Variants in CSMD2 observed in about 807,000 individuals in gnomAD.
CSMD2 encodes the protein CUB and sushi domain-containing protein 2.
In CSMD2, 130 loss-of-function variants were observed where a neutral mutation model predicts 398.5. That is an observed-to-expected ratio of 0.33 (90% CI 0.28 to 0.38). The LOEUF (loss-of-function observed/expected upper bound fraction) is 0.38. CSMD2 is among the 10% of genes least tolerant of loss of function. CSMD2 has a pLI of 1.00. For missense variants in CSMD2, 3,829 were observed against 4,764.9 expected (o/e 0.80, Z 5.78); for synonymous variants, 1,828 against 1,908.5 (o/e 0.96, Z 1.10).
At chr1:33,536,137 T>C (rs116507862) in intron 62 of CSMD2, among the ~76,000 whole-genome samples, 3 of 152,208 alleles carry the variant, frequency 2.0e-5, no homozygotes, top group Non-Finnish European at 4.4e-5. Context: ...CAGCCTGTCA[T>C]GTCCAGGTGA....
intron 13 of CSMD2, among the ~76,000 whole-genome samples, chr1:33,755,861 TCTCA>T (rs1648937484): frequency 2.7e-5 from 4 of 150,624 alleles, no homozygotes; most frequent in African/African-American, 9.9e-5. Context: ...GGGAGGGGGG[TCTCA>T]CTATGTTGCT....
chr1:33,587,405 C>T (rs557471743), intron 44 of CSMD2, among the ~76,000 whole-genome samples: 2 of 152,266 alleles, frequency 1.3e-5, no homozygotes, highest in South Asian at 2.1e-4. Flanking sequence ...GACACCATCA[C>T]CAGCACTGAA....
At chr1:33,530,913 G>A (rs1655173065) in intron 64 of CSMD2, among the ~76,000 whole-genome samples, 1 of 152,160 alleles carries the variant, frequency 6.6e-6, no homozygotes, top group African/African-American at 2.4e-5. Flanking sequence ...AATAGAAGTA[G>A]AGAGTAGAAT....
intron 3 of CSMD2, among the ~76,000 whole-genome samples, chr1:33,953,391 C>T (rs1354412311): frequency 6.6e-6 from 1 of 152,106 alleles, no homozygotes; most frequent in African/African-American, 2.4e-5. Context: ...CTCTCACATG[C>T]CCCTGAATCC....
chr1:33,651,498 TATAAG>T (rs1324949315), intron 28 of CSMD2, among the ~76,000 whole-genome samples: 3 of 152,072 alleles, frequency 2.0e-5, no homozygotes, highest in Non-Finnish European at 4.4e-5. Context: ...GTCTTCCACT[TATAAG>T]AGGAGAGTGG....
At chr1:34,013,960 C>T (rs1237792513) in intron 3 of CSMD2, among the ~76,000 whole-genome samples, 3 of 152,176 alleles carry the variant, frequency 2.0e-5, no homozygotes, top group African/African-American at 7.2e-5. Flanking sequence ...CTGATCTCCG[C>T]ACCCCAAACC....
chr1:33,690,972 C>T (rs1034941279), intron 25 of CSMD2, among the ~76,000 whole-genome samples: 2 of 152,138 alleles, frequency 1.3e-5, no homozygotes, highest in South Asian at 2.1e-4. Flanking sequence ...CTCCTAGGAG[C>T]CCCGCAAGAG....
At chr1:34,060,174 G>A (rs1030065437) in intron 2 of CSMD2, among the ~76,000 whole-genome samples, 1 of 152,126 alleles carries the variant, frequency 6.6e-6, no homozygotes. Flanking sequence ...CAGTCCCCTG[G>A]GTCAGGGGAA....
At chr1:34,108,283 GAA>G (rs35422925) in intron 1 of CSMD2, among the ~76,000 whole-genome samples, 17 of 133,088 alleles carry the variant, frequency 1.3e-4, no homozygotes, top group South Asian at 2.5e-4. Flanking sequence ...GAGAGAGAGA[GAA>G]AAAAAAACCC....
chr1:33,664,941 A>C (rs1038249073), intron 25 of CSMD2, among the ~76,000 whole-genome samples: 1 of 152,174 alleles, frequency 6.6e-6, no homozygotes, highest in Non-Finnish European at 1.5e-5. Context: ...TTCTCTCTAA[A>C]GTTCACCTCA....
At chr1:33,660,995 A>C (rs1644111150) in intron 26 of CSMD2, among the ~76,000 whole-genome samples, 1 of 152,092 alleles carries the variant, frequency 6.6e-6, no homozygotes, top group Admixed American at 6.6e-5. Context: ...CTGAATGGGG[A>C]GATTAGGAGG....
chr1:33,616,066 T>C lies in CSMD2; in HGVS notation c.6016+840A>G, dbSNP rs542863403. 6.6e-5 allele frequency among the ~76,000 whole-genome samples: 10 copies of C among 152,330 alleles called. No homozygotes were observed. The East Asian group carries it at 1.9e-3, about 29-fold the overall frequency. ...TCCATGCCTAGCATATAGTAGATATTAAATAAATGTGCCTTTCTTCTTTGC... is the reference window on the plus strand; with the variant it reads ...TCCATGCCTAGCATATAGTAGATATCAAATAAATGTGCCTTTCTTCTTTGC... On this transcript the variant is annotated intron_variant, in intron 39 of 70. Transcript: ENST00000373381.
chr1:33,629,277 C>T (rs982365215), intron 32 of CSMD2, among the ~76,000 whole-genome samples: 2 of 151,982 alleles, frequency 1.3e-5, no homozygotes, highest in African/African-American at 4.8e-5. Context: ...TCAAGAAAAA[C>T]TTGAAAATTA....
At chr1:33,968,015 G>A (rs913632689) in intron 3 of CSMD2, among the ~76,000 whole-genome samples, 1 of 152,148 alleles carries the variant, frequency 6.6e-6, no homozygotes, top group Admixed American at 6.5e-5. Context: ...CCATCTCCGC[G>A]ACTATTTTCA....
chr1:34,039,178 G>A (rs1651531202), intron 2 of CSMD2, among the ~76,000 whole-genome samples: 1 of 152,184 alleles, frequency 6.6e-6, no homozygotes, highest in South Asian at 2.1e-4. Context: ...TAGACACAGA[G>A]TGGAACAGCA....
intron 32 of CSMD2, among the ~76,000 whole-genome samples, chr1:33,628,357 A>G (rs568797611): frequency 1.1e-4 from 17 of 152,316 alleles, no homozygotes; most frequent in African/African-American, 4.1e-4. Flanking sequence ...GAGAAGACAG[A>G]GAAATTGAAG....
intron 3 of CSMD2, among the ~76,000 whole-genome samples, chr1:34,005,227 G>A (rs1647021328): frequency 6.6e-6 from 1 of 152,192 alleles, no homozygotes; most frequent in Non-Finnish European, 1.5e-5. Context: ...AAGAGGCAGA[G>A]GGAGAGTGAA....
At chr1:33,631,245 A>G (rs1571011792) in intron 32 of CSMD2, among the ~76,000 whole-genome samples, 1 of 152,194 alleles carries the variant, frequency 6.6e-6, no homozygotes, top group Non-Finnish European at 1.5e-5. Context: ...ACATCACCAT[A>G]GTACATTATA....
intron 2 of CSMD2, among the ~76,000 whole-genome samples, chr1:34,046,169 C>T (rs1375100106): frequency 6.6e-6 from 1 of 152,162 alleles, no homozygotes; most frequent in East Asian, 1.9e-4. Context: ...AATTAGGGAC[C>T]ATGTGTGAAT....
Sources: allele counts gnomAD v4.1 joint callset (sites outside exome capture counted in the v4.1 genomes callset), GRCh38; gene constraint gnomAD v4.1.1; transcripts MANE v1.5; gene names NCBI Gene and HGNC (gene_info 2026-07-23, HGNC 2026-07-21).